The following PXDNL variants were observed in gnomAD, a reference collection of about 807,000 sequenced individuals.
PXDNL encodes probable oxidoreductase PXDNL.
Under a neutral mutation model 150.8 loss-of-function variants are expected in PXDNL, and 145 were observed. That is an observed-to-expected ratio of 0.96 (90% CI 0.84 to 1.10). PXDNL has a LOEUF of 1.10. PXDNL is among the 50% of genes least tolerant of loss of function. The pLI is 0.00. For synonymous variants in PXDNL, 757 were observed against 725.7 expected, an observed-to-expected ratio of 1.04 and a Z score of -0.69; for missense variants, 2,087 against 1,873.9, an observed-to-expected ratio of 1.11 and a Z score of -2.10.
intron 3 of PXDNL, among the ~76,000 whole-genome samples, 186 bp downstream of exon 3, chr8:51,592,441 T>G (rs1289234924): frequency 6.6e-6 from 1 of 152,212 alleles, no homozygotes; most frequent in African/African-American, 2.4e-5. Context: ...TATTTTCAGA[T>G]GCACAATCTA....
intron 19 of PXDNL, among the ~76,000 whole-genome samples, chr8:51,354,541 A>C (rs1472985155): frequency 6.6e-6 from 1 of 152,084 alleles, no homozygotes; most frequent in Non-Finnish European, 1.5e-5. Context: ...TCTAAAAGGG[A>C]AGGTCATCAG....
intron 1 of PXDNL, among the ~76,000 whole-genome samples, chr8:51,804,787 G>A (rs2037658442): frequency 6.6e-6 from 1 of 151,922 alleles, no homozygotes; most frequent in Admixed American, 6.6e-5. Flanking sequence ...ACAGGCTGTT[G>A]TAGGATATCC....
intron 1 of PXDNL, among the ~76,000 whole-genome samples, chr8:51,682,296 G>T (rs927897221): frequency 1.3e-5 from 2 of 152,150 alleles, no homozygotes; most frequent in Non-Finnish European, 2.9e-5. Context: ...GGATATGTTT[G>T]CTACTGTGGG....
At chr8:51,663,327 C>G (rs1038339467) in intron 1 of PXDNL, among the ~76,000 whole-genome samples, 3 of 152,182 alleles carry the variant, frequency 2.0e-5, no homozygotes, top group Non-Finnish European at 4.4e-5. Context: ...ACCGGAAAAC[C>G]CATCTCCTGA....
intron 1 of PXDNL, among the ~76,000 whole-genome samples, chr8:51,747,205 C>T (rs34067888): frequency 0.15 from 22,189 of 152,264 alleles, 2,001 homozygotes; most frequent in Non-Finnish European, 0.2. Flanking sequence ...ACCTTCCTTC[C>T]TGGTGCCCAC....
At chr8:51,337,240 A>G (rs1387488304) in intron 21 of PXDNL, among the ~76,000 whole-genome samples, 1 of 152,252 alleles carries the variant, frequency 6.6e-6, no homozygotes, top group African/African-American at 2.4e-5. Context: ...CAAATACACA[A>G]TTATCACCAC....
intron 1 of PXDNL, among the ~76,000 whole-genome samples, chr8:51,714,499 A>G (rs1816569540): frequency 6.6e-6 from 1 of 152,180 alleles, no homozygotes; most frequent in South Asian, 2.1e-4. Flanking sequence ...TCAATGGGAA[A>G]AAAAGATTTT....
intron 4 of PXDNL, among the ~76,000 whole-genome samples, chr8:51,537,145 A>C (rs78775797): frequency 0.022 from 3,377 of 152,250 alleles, 126 homozygotes; most frequent in African/African-American, 0.075. Flanking sequence ...ATGATTCCTA[A>C]CCCTGACCAC....
At chr8:51,400,141 T>C (rs918762519) in intron 17 of PXDNL, among the ~76,000 whole-genome samples, 1 of 152,222 alleles carries the variant, frequency 6.6e-6, no homozygotes, top group Non-Finnish European at 1.5e-5. Flanking sequence ...TCTTTTCAGA[T>C]TTGGGAATAC....
intron 2 of PXDNL, among the ~76,000 whole-genome samples, chr8:51,652,094 A>C (rs1212297200): frequency 1.3e-5 from 2 of 152,088 alleles, no homozygotes; most frequent in African/African-American, 4.8e-5. Flanking sequence ...AAAACATTGG[A>C]GTTTCTGTGC....
At chr8:51,795,902 C>T (rs2037555591) in intron 1 of PXDNL, among the ~76,000 whole-genome samples, 1 of 152,152 alleles carries the variant, frequency 6.6e-6, no homozygotes, top group Non-Finnish European at 1.5e-5. Flanking sequence ...ACCTGGTCAC[C>T]CCGACCCTGG....
At chr8:51,358,680 G>A (rs542422840) in intron 19 of PXDNL, among the ~76,000 whole-genome samples, 7 of 152,184 alleles carry the variant, frequency 4.6e-5, no homozygotes, top group African/African-American at 1.4e-4. Context: ...TGCAGCACGC[G>A]GACAATGAGC....
chr8:51,408,305 C>G lies in PXDNL; in HGVS notation c.3319G>C (p.Val1107Leu), dbSNP rs770252979. ...IDPVLRGLFG[V>L]AAKWRAPSYL... ...GAGGGTGCCCGCCATTTAGCAGCCA[C>G]GCCAAACAGCCCCCGGAGAACCGGG... The change falls in exon 17 of 23, where the codon GTG becomes CTG. Residue 1107 changes from valine to leucine, a missense_variant. Val to Leu is a conservative substitution (Grantham distance 32). Transcript: ENST00000356297. 5 of 1,613,842 alleles carry G rather than the reference C, an allele frequency of 3.1e-6. No individual in the cohort carries two copies. Among genetic ancestry groups the G allele is most frequent in the South Asian group, 1.1e-5 (1 of 91,086 alleles).
chr8:51,492,474 C>T (rs1810917950), intron 5 of PXDNL, among the ~76,000 whole-genome samples: 1 of 152,156 alleles, frequency 6.6e-6, no homozygotes, highest in Non-Finnish European at 1.5e-5. Flanking sequence ...TGAGCCAAAG[C>T]TGGGCAAGGC....
At chr8:51,780,925 G>A (rs1411626479) in intron 1 of PXDNL, among the ~76,000 whole-genome samples, 1 of 150,982 alleles carries the variant, frequency 6.6e-6, no homozygotes, top group African/African-American at 2.4e-5. Flanking sequence ...CTCCCAGGGT[G>A]CTGGGATTAC....
chr8:51,338,237 A>G (rs1169168230), intron 21 of PXDNL, among the ~76,000 whole-genome samples: 2 of 152,062 alleles, frequency 1.3e-5, no homozygotes, highest in African/African-American at 4.8e-5. Flanking sequence ...AGTGATTTCA[A>G]TGGTGGCTAT....
chr8:51,358,755 C>T (rs1035531505), intron 19 of PXDNL, among the ~76,000 whole-genome samples: 1 of 152,150 alleles, frequency 6.6e-6, no homozygotes. Context: ...TTCTTCCCCT[C>T]CCCCACAACC....
rs139990315 is a variant in PXDNL, at chr8:51,682,506, C to T, written c.165-27746G>A. On this transcript the variant is annotated intron_variant, in intron 1 of 22. Transcript: ENST00000356297. ...AGCAGCTCTACGTATGCATTCAGGG[C>T]CCTCTGTTCACACACAGCTCTGTCC... Among the ~76,000 whole-genome samples the T allele has an allele frequency of 6.1e-4, 93 of 152,230 alleles. 1 individual carries two copies. The highest frequency in any genetic ancestry group is 2.1e-3 in the African/African-American group (87 of 41,528).
At chr8:51,531,552 T>C (rs1376489283) in intron 4 of PXDNL, among the ~76,000 whole-genome samples, 1 of 152,048 alleles carries the variant, frequency 6.6e-6, no homozygotes, top group Non-Finnish European at 1.5e-5. Context: ...AGGGAGAAGG[T>C]AGGTGCATTC....
Sources: gnomAD v4.1 joint callset for allele counts (sites outside exome capture counted in the v4.1 genomes callset) on GRCh38, gnomAD v4.1.1 for gene constraint, MANE v1.5 for transcripts, NCBI Gene and HGNC (gene_info 2026-07-23, HGNC 2026-07-21) for gene names.